The following NAV1 variants were observed in gnomAD, a reference collection of about 807,000 sequenced individuals.
The protein encoded by NAV1 is pore membrane and/or filament interacting like protein 3.
A neutral mutation model predicts 175.2 loss-of-function variants in NAV1; 18 were observed. The ratio of observed to expected loss-of-function variants is 0.10; its 90% CI spans 0.07 to 0.15. The LOEUF is 0.15. NAV1 is among the 10% of genes least tolerant of loss of function. The pLI is 1.00. For synonymous variants in NAV1, 897 were observed against 978.7 expected (o/e 0.92, Z 1.56); for missense variants, 1,731 against 2,436.6 (o/e 0.71, Z 6.10).
exon 2 of NAV1, among the ~76,000 whole-genome samples, chr1:201,588,612 C>T (rs953265697): frequency 6.6e-6 from 1 of 151,764 alleles, no homozygotes; most frequent in African/African-American, 2.4e-5. Flanking sequence ...CTCAGCCTCC[C>T]AAAGTGCTGG....
chr1:201,719,320 T>C (rs1466687863), intron 3 of NAV1, among the ~76,000 whole-genome samples: 2 of 152,094 alleles, frequency 1.3e-5, no homozygotes, highest in Non-Finnish European at 2.9e-5. Context: ...ATCCGACCCC[T>C]GTGGTCCTCA....
chr1:201,568,357 T>C (rs4915236), intron 1 of NAV1, among the ~76,000 whole-genome samples: 53,715 of 152,034 alleles, frequency 0.35, 10,148 homozygotes, highest in East Asian at 0.47. Context: ...CCAAAGCCTA[T>C]TTGTTAATGG....
At chr1:201,701,653 C>A (rs1253957727) in intron 1 of NAV1, among the ~76,000 whole-genome samples, 1 of 152,166 alleles carries the variant, frequency 6.6e-6, no homozygotes, top group Admixed American at 6.5e-5. Flanking sequence ...TATCATTAGG[C>A]ACTAGGGAAA....
chr1:201,741,084 A>G (rs149732595), intron 3 of NAV1, among the ~76,000 whole-genome samples: 2,736 of 152,200 alleles, frequency 0.018, 44 homozygotes, highest in Non-Finnish European at 0.027. Context: ...ACCCTGTAAC[A>G]TGCTCCTGCG....
chr1:201,670,380 CAAAAAA>C (rs58216500), intron 1 of NAV1, among the ~76,000 whole-genome samples: 2 of 12,170 alleles, frequency 1.6e-4, no homozygotes, highest in African/African-American at 5.6e-4. Flanking sequence ...GACTCCATCT[CAAAAAA>C]AAAAAAAAAA....
intron 2 of NAV1, among the ~76,000 whole-genome samples, chr1:201,597,653 G>T (rs918233619): frequency 6.6e-6 from 1 of 152,232 alleles, no homozygotes; most frequent in Non-Finnish European, 1.5e-5. Context: ...CAGGCTGAGG[G>T]CCAAGCTGGG....
At chr1:201,577,472 A>ATTTT (rs36112197) in intron 1 of NAV1, among the ~76,000 whole-genome samples, 14 of 97,898 alleles carry the variant, frequency 1.4e-4, no homozygotes, top group East Asian at 6.5e-4. Flanking sequence ...TGAGACTTAG[A>ATTTT]TTTTTTTTTT....
chr1:201,756,319 A>G (rs182676800), intron 3 of NAV1, among the ~76,000 whole-genome samples: 10 of 152,314 alleles, frequency 6.6e-5, no homozygotes, highest in Non-Finnish European at 1.5e-4. Context: ...GATTTTCTGT[A>G]GTCTGTAGCG....
At chr1:201,683,795 G>A (rs1440765220) in intron 1 of NAV1, among the ~76,000 whole-genome samples, 2 of 68,354 alleles carry the variant, frequency 2.9e-5, no homozygotes, top group African/African-American at 5.6e-5. Flanking sequence ...GTCCCCTCCC[G>A]CCCTCCCCCA....
intron 13 of NAV1, chr1:201,791,386 A>C (rs1677105293): frequency 6.6e-6 from 1 of 152,638 alleles, no homozygotes; most frequent in Non-Finnish European, 1.5e-5. Context: ...ACCTCCATTT[A>C]GAACGAGTCT....
At chr1:201,688,725 T>C (rs920619589) in intron 1 of NAV1, among the ~76,000 whole-genome samples, 1 of 152,230 alleles carries the variant, frequency 6.6e-6, no homozygotes, top group African/African-American at 2.4e-5. Flanking sequence ...AATTATTCTG[T>C]CCGATAATCG....
chr1:201,590,679 C>A (rs694162), intron 2 of NAV1, among the ~76,000 whole-genome samples: 7,341 of 152,218 alleles, frequency 0.048, 419 homozygotes, highest in East Asian at 0.16. Flanking sequence ...GGCTTGCGCG[C>A]GGGGCCAGGA....
In NAV1 at chr1:201,718,307, G is replaced by A; in HGVS notation, c.861-83G>A. ...TGACAGGGCCTGTGGGTGGAGGGGA[G>A]GCATTGCTGGGGTGCATGTGAGGGG... On this transcript the variant is annotated intron_variant, in intron 2 of 29. Coordinates refer to ENST00000367296, the Ensembl canonical transcript of NAV1. The surrounding 1 kb of genome is among the most constrained non-coding windows in gnomAD (Gnocchi z 4.8). 7.3e-7 allele frequency: 1 copy of A among 1,369,342 alleles called. No homozygotes were observed. Among genetic ancestry groups the A allele is most frequent in the Non-Finnish European group, 9.5e-7 (1 of 1,050,406 alleles). The allele number at this position is 1,369,342 out of a possible 1,614,324, so 84.8% of individuals were successfully genotyped here.
chr1:201,566,155 A>T (rs1415403963), intron 1 of NAV1, among the ~76,000 whole-genome samples: 1 of 152,002 alleles, frequency 6.6e-6, no homozygotes, highest in Non-Finnish European at 1.5e-5. Context: ...CACCATTCTG[A>T]TGGTGACGCT....
chr1:201,546,712 G>T (rs1242319302), intron 1 of NAV1, among the ~76,000 whole-genome samples: 1 of 151,806 alleles, frequency 6.6e-6, no homozygotes, highest in Non-Finnish European at 1.5e-5. Context: ...AGACCATCCT[G>T]GTCCAACATG....
At chr1:201,654,362 T>G (rs1319910870) in intron 1 of NAV1, among the ~76,000 whole-genome samples, 1 of 152,002 alleles carries the variant, frequency 6.6e-6, no homozygotes, top group African/African-American at 2.4e-5. Context: ...CTCTGCCCAA[T>G]TTGATACTGT....
rs1003576738 is a variant in NAV1 at position 201,740,451 on chromosome 1, C to T, written c.1226+21696C>T. Among the ~76,000 whole-genome samples the T allele has an allele frequency of 5.3e-5, 8 of 152,098 alleles. No homozygotes were observed. The highest frequency in any genetic ancestry group is 8.8e-5 in the Non-Finnish European group (6 of 68,000). ...TGGTTGCGGCTGTGGCGCGTGGGGG[C>T]CCGGCCTGTGAGGGTCGGGGGTCCT... On this transcript the variant is annotated intron_variant, in intron 3 of 29. Transcript: ENST00000367296. The surrounding 1 kb of genome is among the most constrained non-coding windows in gnomAD (Gnocchi z 4.7).
chr1:201,803,732 GGGT>G lies in NAV1; in HGVS notation c.3639+21_3639+23del. On this transcript the variant is annotated intron_variant, in intron 16 of 29. Coordinates refer to ENST00000367296, the Ensembl canonical transcript of NAV1. ...AGAGTTGGGTAGGTAAAGGTTTGGG[GGGT>G]GGGAAGTAGGTAGAACCGTGGTGGA... 6.8e-7 allele frequency: 1 copy of G among 1,463,822 alleles called. No individual in the cohort carries two copies. Among genetic ancestry groups the G allele is most frequent in the Non-Finnish European group, 9.0e-7 (1 of 1,110,524 alleles). The allele number at this position is 1,463,822 out of a possible 1,614,324, so 90.7% of individuals were successfully genotyped here.
chr1:201,755,265 G>GC (rs140949679), intron 3 of NAV1, among the ~76,000 whole-genome samples: 3,391 of 151,984 alleles, frequency 0.022, 122 homozygotes, highest in African/African-American at 0.077. Flanking sequence ...ACAAATTGAG[G>GC]CCCCCCCTCT....
Sources: gnomAD v4.1 joint callset for allele counts (sites outside exome capture counted in the v4.1 genomes callset) on GRCh38, gnomAD v4.1.1 for gene constraint, Gnocchi (gnomAD v3.1) non-coding constraint, MANE v1.5 for transcripts, NCBI Gene and HGNC (gene_info 2026-07-23, HGNC 2026-07-21) for gene names.